NRXN3: variants seen among roughly 807,000 people sequenced by gnomAD.
The protein encoded by NRXN3 is neurexin III.
NRXN3 carries 32 observed loss-of-function variants against 137.6 expected under a neutral mutation model. The ratio of observed to expected loss-of-function variants is 0.23; its 90% confidence interval spans 0.18 to 0.31. The LOEUF is 0.31. Among genes scored for constraint, NRXN3 ranks in the 10% least tolerant of loss-of-function variants. NRXN3 has a pLI of 1.00. For missense variants in NRXN3, 1,574 were observed against 2,062.5 expected, an observed-to-expected ratio of 0.76 and a Z score of 4.59; for synonymous variants, 798 against 784.5, an observed-to-expected ratio of 1.02 and a Z score of -0.29.
intron 15 of NRXN3, among the ~76,000 whole-genome samples, chr14:79,034,349 TAC>T (rs56226324): frequency 0.47 from 67,605 of 144,422 alleles, 16,958 homozygotes; most frequent in East Asian, 0.74. Context: ...TCTTATTTCT[TAC>T]ACACACACAC....
chr14:78,296,523 C>T (rs1156414874), intron 3 of NRXN3, among the ~76,000 whole-genome samples: 1 of 152,256 alleles, frequency 6.6e-6, no homozygotes, highest in Middle Eastern at 3.4e-3. Context: ...ACAAAAGACC[C>T]AAAATGAATT....
At chr14:78,709,833 C>G in intron 7 of NRXN3, 178 bp downstream of exon 7, 1 of 611,444 alleles carries the variant, frequency 1.6e-6, no homozygotes, top group South Asian at 2.0e-5. Flanking sequence ...ATAGATGGCT[C>G]ACATTCTCCG....
intron 4 of NRXN3, among the ~76,000 whole-genome samples, chr14:78,516,995 A>G (rs1005014565): frequency 2.0e-5 from 3 of 152,154 alleles, no homozygotes; most frequent in Non-Finnish European, 4.4e-5. Flanking sequence ...ATTATGTTGA[A>G]TCCATCTTTT....
chr14:78,208,309 C>T (rs1008232310), intron 1 of NRXN3, among the ~76,000 whole-genome samples: 11 of 152,166 alleles, frequency 7.2e-5, no homozygotes, highest in African/African-American at 2.7e-4. Context: ...CTGTTGACCT[C>T]TCCAAGCTCA....
At chr14:78,977,307 G>A (rs575608874) in intron 14 of NRXN3, among the ~76,000 whole-genome samples, 9 of 152,132 alleles carry the variant, frequency 5.9e-5, no homozygotes, top group Non-Finnish European at 1.0e-4. Context: ...ACACCATTTC[G>A]AAAAGTTCTA....
chr14:79,120,385 TGAGA>T (rs1243550981), intron 15 of NRXN3, among the ~76,000 whole-genome samples: 79 of 152,190 alleles, frequency 5.2e-4, no homozygotes, highest in African/African-American at 1.8e-3. Context: ...GAGTTCACAC[TGAGA>T]AGTGTGAACT....
At chr14:79,158,589 A>G (rs1197604021) in intron 15 of NRXN3, among the ~76,000 whole-genome samples, 1 of 151,874 alleles carries the variant, frequency 6.6e-6, no homozygotes, top group Non-Finnish European at 1.5e-5. Context: ...ATGTGGATTT[A>G]TCCTTTATCA....
intron 6 of NRXN3, among the ~76,000 whole-genome samples, chr14:78,674,711 G>C (rs2097981769): frequency 1.3e-5 from 2 of 152,124 alleles, no homozygotes; most frequent in African/African-American, 4.8e-5. Flanking sequence ...GAGGGGGTTG[G>C]AGAGGCAGGT....
chr14:79,751,518 C>T (rs1378920165), intron 19 of NRXN3, among the ~76,000 whole-genome samples: 2 of 151,228 alleles, frequency 1.3e-5, no homozygotes, highest in Non-Finnish European at 3.0e-5. Context: ...CATCTGCAAA[C>T]AGGGACAATT....
intron 15 of NRXN3, among the ~76,000 whole-genome samples, chr14:79,453,860 C>T (rs1168183493): frequency 2.6e-5 from 4 of 152,118 alleles, no homozygotes; most frequent in African/African-American, 7.2e-5. Flanking sequence ...ATATCTGCTT[C>T]CCCTGATTTC....
chr14:79,048,437 A>G (rs1304266387), intron 15 of NRXN3, among the ~76,000 whole-genome samples: 1 of 152,234 alleles, frequency 6.6e-6, no homozygotes, highest in Non-Finnish European at 1.5e-5. Context: ...AAATATCTCA[A>G]TAAATTGATT....
At chr14:78,429,073 CTAT>C (rs1446414994) in intron 4 of NRXN3, among the ~76,000 whole-genome samples, 1 of 151,742 alleles carries the variant, frequency 6.6e-6, no homozygotes, top group South Asian at 2.1e-4. Context: ...CCAATAATTA[CTAT>C]TATTATTATT....
intron 15 of NRXN3, among the ~76,000 whole-genome samples, chr14:79,466,219 G>A (rs1341447394): frequency 6.6e-6 from 1 of 151,890 alleles, no homozygotes; most frequent in African/African-American, 2.4e-5. Flanking sequence ...GATTTAGTTT[G>A]AAAAAGGAAA....
At chr14:79,708,568 CGT>C (rs1379908946) in intron 19 of NRXN3, among the ~76,000 whole-genome samples, 1 of 151,262 alleles carries the variant, frequency 6.6e-6, no homozygotes, top group Non-Finnish European at 1.5e-5. Context: ...AAGCAGCAAT[CGT>C]CACTTGCCAG....
chr14:78,675,635 A>T (rs559486579), intron 6 of NRXN3, among the ~76,000 whole-genome samples: 1 of 152,336 alleles, frequency 6.6e-6, no homozygotes, highest in South Asian at 2.1e-4. Flanking sequence ...TTTTATTATT[A>T]TGCCAGCTCA....
chr14:78,929,423 A>T (rs1315123504), intron 10 of NRXN3, among the ~76,000 whole-genome samples: 1 of 152,140 alleles, frequency 6.6e-6, no homozygotes, highest in Non-Finnish European at 1.5e-5. Context: ...TGTTCACATA[A>T]TTTAGCTCCC....
Position 79,055,876 on chromosome 14 carries a change from G to A in NRXN3, c.3262+67735G>A, listed in dbSNP as rs1016234795. ...GGCCATTTAGAGTGACAGAAGCAGA[G>A]TGTGCAGGTCAGGCAGTAATAAGAC... On this transcript the variant is annotated intron_variant, in intron 15 of 20. Transcript: ENST00000335750. Among the ~76,000 whole-genome samples the A allele has an allele frequency of 2.6e-5, 4 of 152,190 alleles. No homozygotes were observed. In the East Asian group the frequency reaches 7.7e-4, roughly 29 times the overall value.
intron 15 of NRXN3, among the ~76,000 whole-genome samples, chr14:79,258,302 A>G (rs1221828487): frequency 6.6e-6 from 1 of 151,986 alleles, no homozygotes; most frequent in African/African-American, 2.4e-5. Flanking sequence ...GGTTCAAGTG[A>G]TTCTCGATTC....
chr14:78,318,401 C>T (rs2078953334), intron 4 of NRXN3, among the ~76,000 whole-genome samples: 1 of 152,282 alleles, frequency 6.6e-6, no homozygotes. Context: ...ACTTAGGTCA[C>T]CTGACATGGA....
Sources: allele counts gnomAD v4.1 joint callset (sites outside exome capture counted in the v4.1 genomes callset), GRCh38; gene constraint gnomAD v4.1.1; transcripts MANE v1.5; gene names NCBI Gene and HGNC (gene_info 2026-07-23, HGNC 2026-07-21).